The following SHOC2 variants were observed in gnomAD, a reference collection of about 807,000 sequenced individuals.
SHOC2 encodes leucine-rich repeat protein SHOC-2.
SHOC2 carries 4 observed loss-of-function variants against 50.2 expected under a neutral mutation model. The observed-to-expected ratio is 0.08, with a 90% CI of 0.04 to 0.18. The LOEUF (loss-of-function observed/expected upper bound fraction) is 0.18, where lower values mean the gene tolerates loss of function less well. Among genes scored for constraint, SHOC2 ranks in the 10% least tolerant of loss-of-function variants. The pLI is 1.00. For missense variants in SHOC2, 388 were observed against 669.6 expected, an observed-to-expected ratio of 0.58 and a Z score of 4.64; for synonymous variants, 218 against 244.5, an observed-to-expected ratio of 0.89 and a Z score of 1.01.
intron 1 of SHOC2, among the ~76,000 whole-genome samples, chr10:110,948,589 G>A (rs1361500800): frequency 6.6e-6 from 1 of 152,038 alleles, no homozygotes; most frequent in East Asian, 1.9e-4. Flanking sequence ...GAGGAAAACT[G>A]GAAAATTTAC....
chr10:110,993,930 A>C (rs945316725), intron 3 of SHOC2, among the ~76,000 whole-genome samples: 5 of 152,174 alleles, frequency 3.3e-5, no homozygotes, highest in Admixed American at 6.5e-5. Flanking sequence ...TGAATGAGGC[A>C]TGTCAGTTGA....
At position 111,012,795 on chromosome 10, in the gene SHOC2, G is replaced by T. The variant is rs1442529300; in HGVS notation, c.*977G>T. 4 of 152,574 alleles carry T rather than the reference G, an allele frequency of 2.6e-5. No individual in the cohort carries two copies. Among genetic ancestry groups the T allele is most frequent in the African/African-American group, 9.7e-5 (4 of 41,440 alleles). 9.5% of individuals were successfully genotyped at this position (152,574 alleles called of 1,614,324 possible). A position where few individuals can be genotyped will look rare whatever the true frequency, so the allele number is the denominator to read the frequency against. ...GGATTTCTTCCTATCCTTGTACAAT[G>T]ACATGAATGTCTTTCTTTGAAAACT... is the stretch of plus-strand genomic sequence containing the variant. On this transcript the variant is annotated 3_prime_UTR_variant, in exon 9 of 9. Transcript: ENST00000369452.
chr10:110,924,425 G>A (rs1430885522), intron 1 of SHOC2, among the ~76,000 whole-genome samples: 1 of 152,170 alleles, frequency 6.6e-6, no homozygotes, highest in Non-Finnish European at 1.5e-5. Flanking sequence ...AGTAGGATAG[G>A]GGAGGGTAAT....
intron 2 of SHOC2, among the ~76,000 whole-genome samples, chr10:110,983,472 G>A (rs915503662): frequency 1.3e-5 from 2 of 151,954 alleles, no homozygotes; most frequent in Non-Finnish European, 2.9e-5. Context: ...TTCCCTCTTA[G>A]CACTAGCTTA....
At chr10:110,972,444 C>A (rs921434016) in intron 2 of SHOC2, among the ~76,000 whole-genome samples, 1 of 152,120 alleles carries the variant, frequency 6.6e-6, no homozygotes, top group African/African-American at 2.4e-5. Flanking sequence ...TAATAAATAA[C>A]TTCTTTTGAC....
intron 1 of SHOC2, among the ~76,000 whole-genome samples, chr10:110,943,675 C>T (rs1023472993): frequency 6.6e-6 from 1 of 152,238 alleles, no homozygotes; most frequent in Non-Finnish European, 1.5e-5. Context: ...CCTGCTGGAA[C>T]ACTGAAACCT....
At chr10:110,926,091 C>G (rs1238072245) in intron 1 of SHOC2, among the ~76,000 whole-genome samples, 1 of 152,142 alleles carries the variant, frequency 6.6e-6, no homozygotes, top group Non-Finnish European at 1.5e-5. Context: ...AATTTTGTAT[C>G]CCAGACTTTG....
chr10:110,981,098 T>TA (rs1847968025), intron 2 of SHOC2, among the ~76,000 whole-genome samples: 2 of 152,210 alleles, frequency 1.3e-5, no homozygotes, highest in Admixed American at 1.3e-4. Context: ...ACCTTAAAGA[T>TA]AAAGAACTTT....
chr10:111,001,006 C>A (rs1848360597), intron 4 of SHOC2, among the ~76,000 whole-genome samples: 1 of 151,020 alleles, frequency 6.6e-6, no homozygotes, highest in African/African-American at 2.4e-5. Flanking sequence ...CAAATTATTA[C>A]CTTGTTTATG....
chr10:110,919,539 GGGCGAGTGGGGGAGGGGCGGGCGGGGGGC>G (rs1590765668), upstream of SHOC2: 38 of 386,800 alleles, frequency 9.8e-5, 1 homozygote, highest in East Asian at 1.4e-3. Context: ...GGGCGGGGCG[GGGCGAGTGGGGGAGGGGCGGGCGGGGGGC>G]GGCGGTTGGG....
chr10:110,990,157 G>A (rs576826217), intron 3 of SHOC2, among the ~76,000 whole-genome samples: 40 of 152,388 alleles, frequency 2.6e-4, no homozygotes, highest in African/African-American at 7.0e-4. Context: ...AGCGCATGGC[G>A]CGGGACTGGC....
At chr10:110,946,205 A>G (rs560591123) in intron 1 of SHOC2, among the ~76,000 whole-genome samples, 5 of 152,086 alleles carry the variant, frequency 3.3e-5, no homozygotes, top group Non-Finnish European at 5.9e-5. Flanking sequence ...TGACAATTCT[A>G]TACCATGCCT....
In SHOC2 at chr10:111,011,939, TGTTTC is replaced by T; in HGVS notation, c.*122_*126del. 1 of 827,194 alleles carries T rather than the reference TGTTTC, an allele frequency of 1.2e-6. No homozygotes were observed. Among genetic ancestry groups the T allele is most frequent in the East Asian group, 2.6e-5 (1 of 38,126 alleles). The allele number at this position is 827,194 out of a possible 1,614,324, so 51.2% of individuals were successfully genotyped here. ...GCAGATTTATAAAAATTGCATTATG[TGTTTC>T]TGCTAATAGAGGAATCATAGCCATT... On this transcript the variant is annotated 3_prime_UTR_variant, in exon 9 of 9. Coordinates refer to ENST00000369452, the MANE Select transcript of SHOC2 (RefSeq NM_007373.4).
chr10:110,972,874 T>A (rs1013493381), intron 2 of SHOC2, among the ~76,000 whole-genome samples: 1 of 152,118 alleles, frequency 6.6e-6, no homozygotes, highest in Non-Finnish European at 1.5e-5. Flanking sequence ...GTACTTGAAC[T>A]GTTTTAGAAG....
At chr10:110,999,953 T>G (rs748697588) in intron 3 of SHOC2, among the ~76,000 whole-genome samples, 1 of 152,066 alleles carries the variant, frequency 6.6e-6, no homozygotes, top group African/African-American at 2.4e-5. Context: ...AGAAAATAAT[T>G]TATATTTTAA....
intron 1 of SHOC2, among the ~76,000 whole-genome samples, chr10:110,959,064 G>GAT (rs1268323902): frequency 6.6e-6 from 1 of 152,054 alleles, no homozygotes; most frequent in African/African-American, 2.4e-5. Flanking sequence ...TTATGTAAAT[G>GAT]CTTAGGCACA....
At chr10:110,967,742 G>A (rs1847703886) in intron 2 of SHOC2, among the ~76,000 whole-genome samples, 1 of 151,990 alleles carries the variant, frequency 6.6e-6, no homozygotes, top group South Asian at 2.1e-4. Context: ...CTTACGACAG[G>A]TTTCTTTTAA....
At chr10:110,985,857 G>T in intron 3 of SHOC2, 92 bp downstream of exon 3, 2 of 1,100,770 alleles carry the variant, frequency 1.8e-6, no homozygotes, top group Non-Finnish European at 2.7e-6. Flanking sequence ...TGAAAATTCA[G>T]GAGTAAAATT....
At chr10:110,988,151 A>G (rs1281108202) in intron 3 of SHOC2, among the ~76,000 whole-genome samples, 1 of 152,122 alleles carries the variant, frequency 6.6e-6, no homozygotes, top group South Asian at 2.1e-4. Context: ...TATTAGATGT[A>G]TTTGTTTTGA....
Sources: gnomAD v4.1 joint callset for allele counts (sites outside exome capture counted in the v4.1 genomes callset) on GRCh38, gnomAD v4.1.1 for gene constraint, MANE v1.5 for transcripts, NCBI Gene and HGNC (gene_info 2026-07-23, HGNC 2026-07-21) for gene names.